Variants in ZFHX3 observed in about 807,000 individuals in gnomAD.
ZFHX3 encodes the protein zinc finger homeobox protein 3.
A neutral mutation model predicts 279.1 loss-of-function variants in ZFHX3; 42 were observed. That is an observed-to-expected ratio of 0.15 (90% CI 0.12 to 0.19). The LOEUF is 0.19. Ranked by LOEUF, ZFHX3 falls within the 10% of genes least tolerant of loss-of-function variation. ZFHX3 has a pLI of 1.00. For missense variants in ZFHX3, 4,981 were observed against 4,754.0 expected, an observed-to-expected ratio of 1.05 and a Z score of -1.40; for synonymous variants, 2,293 against 1,957.8, an observed-to-expected ratio of 1.17 and a Z score of -4.52.
chr16:73,293,094 C>T (rs756258063), intron 4 of ZFHX3, among the ~76,000 whole-genome samples: 14 of 152,108 alleles, frequency 9.2e-5, no homozygotes, highest in Admixed American at 7.2e-4. Context: ...AACCCGGCTG[C>T]GATGTGTGTT....
chr16:73,113,438 A>T (rs1966400247), intron 7 of ZFHX3, among the ~76,000 whole-genome samples: 1 of 152,224 alleles, frequency 6.6e-6, no homozygotes, highest in Non-Finnish European at 1.5e-5. Flanking sequence ...ATTAAAAATC[A>T]CAGGCCACAA....
intron 2 of ZFHX3, among the ~76,000 whole-genome samples, chr16:73,502,758 G>T (rs1490457100): frequency 6.6e-6 from 1 of 152,188 alleles, no homozygotes; most frequent in East Asian, 1.9e-4. Flanking sequence ...AATGAACACA[G>T]GCTGCACACC....
At chr16:73,784,879 G>A (rs1959597552) in intron 1 of ZFHX3, among the ~76,000 whole-genome samples, 2 of 149,878 alleles carry the variant, frequency 1.3e-5, no homozygotes. Flanking sequence ...GTCCTCTAAT[G>A]AGGAATAGTG....
At chr16:73,742,908 T>C (rs1050189280) in intron 1 of ZFHX3, among the ~76,000 whole-genome samples, 1 of 152,224 alleles carries the variant, frequency 6.6e-6, no homozygotes, top group Non-Finnish European at 1.5e-5. Context: ...GGTTTATTTC[T>C]AATTACAAAT....
chr16:72,831,229 C>T (rs1206437070), intron 4 of ZFHX3, among the ~76,000 whole-genome samples: 2 of 152,170 alleles, frequency 1.3e-5, no homozygotes, highest in African/African-American at 4.8e-5. Context: ...AAGAAGATGT[C>T]TATTTAGAAT....
intron 8 of ZFHX3, among the ~76,000 whole-genome samples, chr16:73,069,512 A>G (rs1376816073): frequency 3.9e-5 from 6 of 152,242 alleles, no homozygotes; most frequent in Non-Finnish European, 8.8e-5. Flanking sequence ...TAAACTGATC[A>G]GGGAAGATTA....
intron 4 of ZFHX3, among the ~76,000 whole-genome samples, chr16:72,885,544 A>AT (rs1268456599): frequency 2.6e-5 from 4 of 152,146 alleles, no homozygotes; most frequent in East Asian, 1.9e-4. Flanking sequence ...GGGAATAGGT[A>AT]TTTTTTGTCA....
rs2143437897 is a variant in ZFHX3 at position 72,796,683 on chromosome 16, C to G, written c.5999G>C (p.Ser2000Thr). Residue 2000 changes from serine to threonine, a missense_variant, in exon 9 of 10, where the codon AGT (serine) becomes ACT (threonine). Ser to Thr is a moderately conservative substitution (Grantham distance 58). Around this residue, in one of 7 missense-constraint regions of ZFHX3, gnomAD observed 1,751 missense variants for 1,770.0 expected, o/e 0.99. Transcript: ENST00000268489. ...KLFSNILILK[S>T]HQEHVHQNYF... is the part of the protein sequence containing the mutation. ...ATTCTGATGAACGTGCTCTTGATGA[C>G]TCTTTAAAATCAAGATGTTGGAAAA... 18 of 1,613,984 alleles carry G rather than the reference C, an allele frequency of 1.1e-5. No homozygotes were observed. Among genetic ancestry groups the G allele is most frequent in the Non-Finnish European group, 1.5e-5 (18 of 1,180,012 alleles).
chr16:73,559,783 G>A (rs2020343208), intron 2 of ZFHX3, among the ~76,000 whole-genome samples: 1 of 152,094 alleles, frequency 6.6e-6, no homozygotes, highest in Non-Finnish European at 1.5e-5. Flanking sequence ...CCCCTCCCTG[G>A]TAAGGGAGGT....
intron 1 of ZFHX3, among the ~76,000 whole-genome samples, chr16:73,810,897 A>G (rs1307183102): frequency 2.0e-5 from 3 of 151,964 alleles, no homozygotes; most frequent in Admixed American, 2.0e-4. Context: ...TTTATAATAT[A>G]CCTATAATAA....
chr16:73,324,857 C>T (rs1338127915), intron 3 of ZFHX3, among the ~76,000 whole-genome samples: 4 of 152,276 alleles, frequency 2.6e-5, no homozygotes, highest in Admixed American at 6.5e-5. Flanking sequence ...AATAATCGTG[C>T]CTCCTGAAGT....
chr16:73,014,515 C>CTTTTTTTTTTTTTT (rs1567633191), intron 1 of ZFHX3: 2 of 95,344 alleles, frequency 2.1e-5, no homozygotes, highest in African/African-American at 7.8e-5. Context: ...GTAATTTCTT[C>CTTTTTTTTTTTTTT]TTCTTTTTTT....
At chr16:73,217,824 C>T (rs2012269329) in intron 5 of ZFHX3, among the ~76,000 whole-genome samples, 1 of 151,942 alleles carries the variant, frequency 6.6e-6, no homozygotes, top group South Asian at 2.1e-4. Context: ...CATTTTGGGG[C>T]TCCAAGGCGG....
chr16:73,797,147 G>A (rs770756390), intron 1 of ZFHX3, among the ~76,000 whole-genome samples: 1 of 152,066 alleles, frequency 6.6e-6, no homozygotes, highest in Non-Finnish European at 1.5e-5. Flanking sequence ...AGGTGGCAGT[G>A]AGCCAAGATC....
intron 1 of ZFHX3, among the ~76,000 whole-genome samples, chr16:73,754,530 C>T (rs1402939463): frequency 6.6e-6 from 1 of 151,940 alleles, no homozygotes; most frequent in East Asian, 1.9e-4. Flanking sequence ...CTTGCAGCCC[C>T]AGCTGCCACA....
intron 7 of ZFHX3, among the ~76,000 whole-genome samples, chr16:73,095,172 A>G (rs940789570): frequency 1.3e-5 from 2 of 152,004 alleles, no homozygotes; most frequent in Non-Finnish European, 2.9e-5. Flanking sequence ...TGATCCTCCC[A>G]CTTTGGCCTC....
intron 1 of ZFHX3, among the ~76,000 whole-genome samples, chr16:73,782,620 C>G (rs552610099): frequency 6.6e-6 from 1 of 152,112 alleles, no homozygotes; most frequent in African/African-American, 2.4e-5. Flanking sequence ...TGTGGTTAGA[C>G]GAGGCCAAAC....
intron 1 of ZFHX3, among the ~76,000 whole-genome samples, chr16:73,830,584 C>A (rs1960969359): frequency 6.6e-6 from 1 of 152,154 alleles, no homozygotes; most frequent in Admixed American, 6.5e-5. Context: ...GATTTTATTC[C>A]CATTTCCTGT....
At chr16:73,151,370 A>G (rs1966937336) in intron 5 of ZFHX3, among the ~76,000 whole-genome samples, 1 of 152,064 alleles carries the variant, frequency 6.6e-6, no homozygotes, top group Admixed American at 6.6e-5. Context: ...GGGGTTGGAG[A>G]AGGCTTCCTC....
Sources: gnomAD v4.1 joint callset for allele counts (sites outside exome capture counted in the v4.1 genomes callset) on GRCh38, gnomAD v4.1.1 for gene constraint, gnomAD v4.1.1 regional missense constraint, MANE v1.5 for transcripts, NCBI Gene and HGNC (gene_info 2026-07-23, HGNC 2026-07-21) for gene names.